The following SNX31 variants were observed in gnomAD, a reference collection of about 807,000 sequenced individuals.
SNX31 encodes sorting nexin-31.
Under a neutral mutation model 65.4 loss-of-function variants are expected in SNX31, and 58 were observed. That is an observed-to-expected ratio of 0.89 (90% CI 0.72 to 1.10). The LOEUF is 1.10. SNX31 is among the 50% of genes least tolerant of loss of function. The pLI is 0.00. For synonymous variants in SNX31, 181 were observed against 190.1 expected, an observed-to-expected ratio of 0.95 and a Z score of 0.39; for missense variants, 523 against 529.7, an observed-to-expected ratio of 0.99 and a Z score of 0.12.
intron 1 of SNX31, chr8:100,657,895 T>C (rs775640144): frequency 2.0e-4 from 72 of 359,790 alleles, no homozygotes; most frequent in Non-Finnish European, 2.9e-4. Context: ...AAACAAAAAA[T>C]AACAACAACA....
At chr8:100,632,404 A>C (rs1818473176) in intron 3 of SNX31, among the ~76,000 whole-genome samples, 1 of 152,186 alleles carries the variant, frequency 6.6e-6, no homozygotes, top group Admixed American at 6.5e-5. Flanking sequence ...TGGTCCCATG[A>C]CAAAAAAAAA....
At chr8:100,659,457 G>A (rs973730233) in intron 1 of SNX31, among the ~76,000 whole-genome samples, 6 of 151,678 alleles carry the variant, frequency 4.0e-5, no homozygotes, top group Admixed American at 1.3e-4. Flanking sequence ...TCCCATGTAC[G>A]GGTCTCAGAG....
At chr8:100,608,612 G>A (rs1321892795) in intron 7 of SNX31, 49 bp from the exon 8 acceptor site, 4 of 1,579,476 alleles carry the variant, frequency 2.5e-6, no homozygotes, top group African/African-American at 1.3e-5. Context: ...TGGCCCATGG[G>A]CACACCTGGC....
rs1380263625 is a variant in SNX31, at chr8:100,588,758, CT to C, written c.1092+107del. 1.7e-5 allele frequency: 12 copies of C among 721,462 alleles called. No individual in the cohort carries two copies. The highest frequency in any genetic ancestry group is 2.9e-5 in the Non-Finnish European group (12 of 415,188). The allele number at this position is 721,462 out of a possible 1,614,324, so 44.7% of individuals were successfully genotyped here. On this transcript the variant is annotated intron_variant, in intron 11 of 13. Coordinates refer to ENST00000311812, the MANE Select transcript of SNX31 (RefSeq NM_152628.4). The surrounding 1 kb of genome is among the most constrained non-coding windows in gnomAD (Gnocchi z 4.8). ...GTCCCGAACGAGAGTGCATAGAACA[CT>C]TTAGGGTCCTGCTCTAGTTGGGTTA...
At chr8:100,596,873 G>A in intron 9 of SNX31, 31 bp from the exon 10 acceptor site, 1 of 1,595,582 alleles carries the variant, frequency 6.3e-7, no homozygotes, top group Non-Finnish European at 8.6e-7. Flanking sequence ...TGGGGGGAGG[G>A]GAGGCAAGAG....
chr8:100,655,354 G>A (rs938765710), intron 1 of SNX31, among the ~76,000 whole-genome samples: 1 of 152,196 alleles, frequency 6.6e-6, no homozygotes, highest in Non-Finnish European at 1.5e-5. Flanking sequence ...TGGTTTGGCT[G>A]TATCCCCACC....
intron 10 of SNX31, among the ~76,000 whole-genome samples, chr8:100,590,600 A>G (rs1318446199): frequency 5.3e-5 from 8 of 151,926 alleles, no homozygotes; most frequent in African/African-American, 1.7e-4. Context: ...CCAACATGGT[A>G]AAACCCCATC....
intron 4 of SNX31, among the ~76,000 whole-genome samples, chr8:100,620,730 A>G (rs1053167753): frequency 1.3e-5 from 2 of 152,194 alleles, no homozygotes; most frequent in African/African-American, 4.8e-5. Context: ...CTTAATTCTC[A>G]TAACAACTCC....
At chr8:100,585,245 T>C (rs973608584) in intron 11 of SNX31, among the ~76,000 whole-genome samples, 6 of 152,170 alleles carry the variant, frequency 3.9e-5, no homozygotes, top group African/African-American at 7.2e-5. Context: ...TTATCCTTTT[T>C]CTCTCTTGTC....
chr8:100,573,907 T>G lies in SNX31; in HGVS notation c.1281A>C (p.Lys427Asn). The change falls in exon 14 of 14, where the codon AAA becomes AAC. Residue 427 changes from lysine to asparagine, a missense_variant. Transcript: ENST00000311812. ...LSRKSKIKIA[K>N]DDCVFGNIKE... ...TTATGTTCCCAAAAACGCAGTCATCTTTAGCTATCTTAATCTTGCTTTTTC... is the reference window on the plus strand; with the variant it reads ...TTATGTTCCCAAAAACGCAGTCATCGTTAGCTATCTTAATCTTGCTTTTTC... 6.3e-7 allele frequency: 1 copy of G among 1,589,490 alleles called. No homozygotes were observed. The highest frequency in any genetic ancestry group is 8.5e-7 in the Non-Finnish European group (1 of 1,169,656).
chr8:100,599,626 A>T (rs959638392), intron 9 of SNX31, among the ~76,000 whole-genome samples: 19 of 152,056 alleles, frequency 1.2e-4, no homozygotes, highest in Admixed American at 1.2e-3. Context: ...AGTCCTCTAA[A>T]TTTTGGTTGT....
At chr8:100,634,156 A>C (rs939292800) in intron 3 of SNX31, among the ~76,000 whole-genome samples, 2 of 152,170 alleles carry the variant, frequency 1.3e-5, no homozygotes, top group Non-Finnish European at 2.9e-5. Context: ...GTGACAGCCT[A>C]ATCTTGCCAA....
chr8:100,593,489 T>C (rs1814774926), intron 10 of SNX31, among the ~76,000 whole-genome samples: 1 of 152,100 alleles, frequency 6.6e-6, no homozygotes, highest in Admixed American at 6.6e-5. Context: ...GGTCTTGCTC[T>C]GTCTCCCAGG....
At chr8:100,606,736 C>A (rs1371667858) in intron 8 of SNX31, among the ~76,000 whole-genome samples, 1 of 152,230 alleles carries the variant, frequency 6.6e-6, no homozygotes, top group Non-Finnish European at 1.5e-5. Flanking sequence ...CACCTGTAAA[C>A]AAGTGTTGTT....
In SNX31 at chr8:100,600,068, A is replaced by G. The variant is rs1013715165; in HGVS notation, c.774+281T>C. Among the ~76,000 whole-genome samples, 4 of 152,212 alleles carry G rather than the reference A, an allele frequency of 2.6e-5. No individual in the cohort carries two copies. In the East Asian group the frequency reaches 7.7e-4, roughly 29 times the overall value. ...TAGCCAAACGATAATATAACCATAA[A>G]ATGGAATACTCTGTAGTCACTAAAA... On this transcript the variant is annotated intron_variant, in intron 9 of 13. Transcript: ENST00000311812.
intron 11 of SNX31, among the ~76,000 whole-genome samples, chr8:100,584,878 A>C (rs1235699668): frequency 6.6e-6 from 1 of 151,112 alleles, no homozygotes; most frequent in Non-Finnish European, 1.5e-5. Flanking sequence ...GCACGCTGCC[A>C]TGCCCAGCTA....
rs187684562 is a variant in SNX31 at position 100,611,367 on chromosome 8, C to A, written c.611+633G>T. Among the ~76,000 whole-genome samples, 23 of 152,252 alleles carry A rather than the reference C, an allele frequency of 1.5e-4. 1 individual carries two copies. The highest frequency in any genetic ancestry group is 3.4e-4 in the African/African-American group (14 of 41,538). ...TTTAATCCATGTCCCCTGGCCCCGC[C>A]CCTGGTTTTCAAGTCTTACTTTCTT... is the stretch of plus-strand genomic sequence containing the variant. On this transcript the variant is annotated intron_variant, in intron 7 of 13. Transcript: ENST00000311812.
intron 1 of SNX31, among the ~76,000 whole-genome samples, chr8:100,658,820 G>A (rs1051952517): frequency 3.3e-5 from 5 of 152,308 alleles, no homozygotes; most frequent in South Asian, 2.1e-4. Flanking sequence ...TCTTTGCGAT[G>A]AGTCGAGGTC....
At position 100,649,366 on chromosome 8, in the gene SNX31, C is replaced by T; in HGVS notation, c.67-18G>A. The T allele has an allele frequency of 6.2e-7, 1 of 1,613,406 alleles. No homozygotes were observed. On this transcript the variant is annotated intron_variant, in intron 1 of 13. Transcript: ENST00000311812. ...GAGTACAGCTGCAAACACACAGACA[C>T]CCCGTCCCTGGTGAGCCGAGGGATA...
Sources: allele counts gnomAD v4.1 joint callset (sites outside exome capture counted in the v4.1 genomes callset), GRCh38; gene constraint gnomAD v4.1.1; non-coding constraint Gnocchi (gnomAD v3.1); transcripts MANE v1.5; gene names NCBI Gene and HGNC (gene_info 2026-07-23, HGNC 2026-07-21).